The following HHAT variants were observed in gnomAD, a reference collection of about 807,000 sequenced individuals.
The protein encoded by HHAT is protein-cysteine N-palmitoyltransferase HHAT.
Under a neutral mutation model 70.8 loss-of-function variants are expected in HHAT, and 47 were observed. The observed-to-expected ratio is 0.66, with a 90% CI of 0.53 to 0.85. The LOEUF is 0.85. HHAT is among the 40% of genes least tolerant of loss of function. The pLI, the probability that HHAT is intolerant of heterozygous loss-of-function variation, is 0.00. For synonymous variants in HHAT, 228 were observed against 247.6 expected (o/e 0.92, Z 0.74); for missense variants, 609 against 604.8 (o/e 1.01, Z -0.07).
At chr1:210,599,320 A>G (rs1663714099) in intron 10 of HHAT, among the ~76,000 whole-genome samples, 2 of 152,346 alleles carry the variant, frequency 1.3e-5, no homozygotes, top group African/African-American at 2.4e-5. Context: ...TTAAAGGCAT[A>G]TAGTGTGTCT....
rs1347875598 is a variant in HHAT, at chr1:210,374,303, A to G, written c.159+11384A>G. 3.3e-5 allele frequency: 5 copies of G among 152,234 alleles called. No homozygotes were observed. In the East Asian group the frequency reaches 7.7e-4, roughly 23 times the overall value. The allele number at this position is 152,234 out of a possible 1,614,324, so 9.4% of individuals were successfully genotyped here. ...ATTAGTTCAACTCATTGTTGCAGTAACCGCAACTCCTAGTACGCCGATGGT... is the reference window on the plus strand; with the variant it reads ...ATTAGTTCAACTCATTGTTGCAGTAGCCGCAACTCCTAGTACGCCGATGGT... On this transcript the variant is annotated intron_variant, in intron 3 of 11. Transcript: ENST00000261458.
At chr1:210,509,967 T>C (rs2094926761) in intron 8 of HHAT, among the ~76,000 whole-genome samples, 1 of 152,182 alleles carries the variant, frequency 6.6e-6, no homozygotes, top group Non-Finnish European at 1.5e-5. Context: ...TATACAGAAT[T>C]GTCATTGGGA....
chr1:210,340,237 T>G, intron 1 of HHAT, among the ~76,000 whole-genome samples: 1 of 56,896 alleles, frequency 1.8e-5, no homozygotes, highest in African/African-American at 8.5e-5. Context: ...CAAGACTCTG[T>G]CTCAGAAAAA....
intron 9 of HHAT, among the ~76,000 whole-genome samples, chr1:210,525,754 T>C (rs1160219916): frequency 2.0e-5 from 3 of 151,942 alleles, no homozygotes; most frequent in East Asian, 1.9e-4. Flanking sequence ...TTAAAAAAAA[T>C]TAAAAAGAGC....
intron 9 of HHAT, among the ~76,000 whole-genome samples, chr1:210,544,427 C>G (rs2095464675): frequency 7.8e-6 from 1 of 128,396 alleles, no homozygotes; most frequent in Admixed American, 9.7e-5. Context: ...AGCGGGAGTG[C>G]AAGGGCATGA....
At chr1:210,380,067 G>T (rs1409093663) in intron 3 of HHAT, among the ~76,000 whole-genome samples, 2 of 152,178 alleles carry the variant, frequency 1.3e-5, no homozygotes, top group Non-Finnish European at 2.9e-5. Flanking sequence ...AGTAGACTGT[G>T]CTGATACCAG....
chr1:210,498,217 A>G (rs1461792202), intron 8 of HHAT, among the ~76,000 whole-genome samples: 1 of 152,234 alleles, frequency 6.6e-6, no homozygotes, highest in East Asian at 1.9e-4. Flanking sequence ...GTCCAGAAGA[A>G]CAAGGTTTGG....
intron 7 of HHAT, among the ~76,000 whole-genome samples, chr1:210,429,290 C>T (rs1283764953): frequency 6.6e-6 from 1 of 151,812 alleles, no homozygotes; most frequent in Non-Finnish European, 1.5e-5. Context: ...AATATCTAGT[C>T]TGTCTTCACA....
chr1:210,537,435 G>C (rs1057376381), intron 9 of HHAT, among the ~76,000 whole-genome samples: 1 of 152,124 alleles, frequency 6.6e-6, no homozygotes, highest in Non-Finnish European at 1.5e-5. Context: ...TCACTTCATA[G>C]ACACCCCCCT....
intron 4 of HHAT, among the ~76,000 whole-genome samples, chr1:210,390,725 C>T (rs907666378): frequency 1.3e-5 from 2 of 152,148 alleles, no homozygotes; most frequent in African/African-American, 4.8e-5. Flanking sequence ...AGCTTACCTC[C>T]TACTCATAAG....
At chr1:210,591,147 AT>A (rs2148796159) in intron 10 of HHAT, among the ~76,000 whole-genome samples, 1 of 152,250 alleles carries the variant, frequency 6.6e-6, no homozygotes, top group African/African-American at 2.4e-5. Flanking sequence ...GTGCTACCAA[AT>A]ACTACATCTT....
chr1:210,409,131 G>A (rs971118980), intron 6 of HHAT, among the ~76,000 whole-genome samples: 1 of 152,166 alleles, frequency 6.6e-6, no homozygotes, highest in Non-Finnish European at 1.5e-5. Context: ...CTCCCAAAGT[G>A]CTGGGATTAC....
At chr1:210,360,767 A>G (rs1174224788) in intron 2 of HHAT, among the ~76,000 whole-genome samples, 1 of 152,118 alleles carries the variant, frequency 6.6e-6, no homozygotes, top group East Asian at 1.9e-4. Flanking sequence ...GGGAATGTAA[A>G]ATAACTCATA....
At chr1:210,365,056 C>T (rs1321981451) in intron 3 of HHAT, among the ~76,000 whole-genome samples, 1 of 152,054 alleles carries the variant, frequency 6.6e-6, no homozygotes, top group African/African-American at 2.4e-5. Context: ...GGAAATGGGT[C>T]CTGGTGAATA....
intron 11 of HHAT, among the ~76,000 whole-genome samples, chr1:210,653,922 G>A (rs1364902495): frequency 4.4e-5 from 1 of 22,526 alleles, no homozygotes; most frequent in East Asian, 1.5e-3. Context: ...TGTGACAGTG[G>A]AATACTGTGA....
chr1:210,652,003 C>T (rs1385224409), intron 11 of HHAT, among the ~76,000 whole-genome samples: 1 of 152,148 alleles, frequency 6.6e-6, no homozygotes, highest in East Asian at 1.9e-4. Flanking sequence ...TGACTCTGAA[C>T]TGAAGGAAAG....
At chr1:210,493,071 T>C (rs2094576156) in intron 8 of HHAT, among the ~76,000 whole-genome samples, 1 of 152,052 alleles carries the variant, frequency 6.6e-6, no homozygotes, top group South Asian at 2.1e-4. Context: ...TTGATTCTAG[T>C]TCAGCCAACC....
At chr1:210,606,663 CTTT>C (rs1665521325) in intron 10 of HHAT, among the ~76,000 whole-genome samples, 1 of 152,004 alleles carries the variant, frequency 6.6e-6, no homozygotes, top group Non-Finnish European at 1.5e-5. Context: ...CTTGTTTTTT[CTTT>C]TTCTCCCTTG....
At chr1:210,557,206 A>G (rs924227338) in intron 9 of HHAT, among the ~76,000 whole-genome samples, 4 of 152,268 alleles carry the variant, frequency 2.6e-5, no homozygotes, top group African/African-American at 7.2e-5. Flanking sequence ...TGCATATGTT[A>G]TTAACCAACA....
Sources: allele counts gnomAD v4.1 joint callset (sites outside exome capture counted in the v4.1 genomes callset), GRCh38; gene constraint gnomAD v4.1.1; transcripts MANE v1.5; gene names NCBI Gene and HGNC (gene_info 2026-07-23, HGNC 2026-07-21).